Variants in PTPRO observed in about 807,000 individuals in gnomAD.
PTPRO encodes receptor-type tyrosine-protein phosphatase O.
Under a neutral mutation model 145.2 loss-of-function variants are expected in PTPRO, and 62 were observed. The observed-to-expected ratio is 0.43, with a 90% CI of 0.35 to 0.53. PTPRO has a LOEUF of 0.53. Among genes scored for constraint, PTPRO ranks in the 20% least tolerant of loss-of-function variants. The probability of loss-of-function intolerance (pLI) is 0.01; values close to 1 mark genes in which losing one functional copy is unlikely to be tolerated. For missense variants in PTPRO, 1,345 were observed against 1,482.7 expected, an observed-to-expected ratio of 0.91 and a Z score of 1.53; for synonymous variants, 565 against 514.7, an observed-to-expected ratio of 1.10 and a Z score of -1.32.
At chr12:15,572,270 G>A (rs1944070294) in intron 19 of PTPRO, among the ~76,000 whole-genome samples, 1 of 152,108 alleles carries the variant, frequency 6.6e-6, no homozygotes, top group Admixed American at 6.5e-5. Flanking sequence ...AACTGCCCAG[G>A]CAAAGTATAT....
At position 15,483,097 on chromosome 12, in the gene PTPRO, T is replaced by C. The variant is rs574225313; in HGVS notation, c.76-877T>C. Among the ~76,000 whole-genome samples the C allele has an allele frequency of 1.5e-4, 23 of 152,188 alleles. No individual in the cohort carries two copies. In the South Asian group the frequency reaches 4.8e-3, roughly 32 times the overall value. On this transcript the variant is annotated intron_variant, in intron 1 of 26. Transcript: ENST00000281171. ...ACCCTGCTATTATAGAAAAGAAATT[T>C]GAGGCTCAGTGCAGTGAATAACTTA... is the stretch of plus-strand genomic sequence containing the variant.
chr12:15,591,593 T>G (rs1405532625), intron 25 of PTPRO, among the ~76,000 whole-genome samples: 2 of 152,202 alleles, frequency 1.3e-5, no homozygotes, highest in African/African-American at 2.4e-5. Flanking sequence ...AAATTTTGGT[T>G]GTTTTATTTG....
chr12:15,331,517 T>A (rs908242762), intron 1 of PTPRO, among the ~76,000 whole-genome samples: 4 of 152,198 alleles, frequency 2.6e-5, no homozygotes, highest in African/African-American at 9.6e-5. Flanking sequence ...TACATATGTC[T>A]TAGAATTATT....
At chr12:15,554,403 A>AGT (rs762597093) in intron 15 of PTPRO, among the ~76,000 whole-genome samples, 32 of 148,464 alleles carry the variant, frequency 2.2e-4, no homozygotes, top group Non-Finnish European at 3.7e-4. Context: ...ATATAGATAT[A>AGT]GTGTGTGTGT....
intron 23 of PTPRO, among the ~76,000 whole-genome samples, chr12:15,585,640 C>G (rs1033361170): frequency 3.3e-5 from 5 of 152,188 alleles, no homozygotes; most frequent in African/African-American, 1.2e-4. Flanking sequence ...AATACCTGAA[C>G]TTAAATTTTA....
At chr12:15,331,952 C>CTCTT (rs1307905672) in intron 1 of PTPRO, among the ~76,000 whole-genome samples, 17 of 143,972 alleles carry the variant, frequency 1.2e-4, no homozygotes, top group African/African-American at 4.3e-4. Flanking sequence ...CTTTTTGTTT[C>CTCTT]TCTTTCTTTC....
intron 2 of PTPRO, among the ~76,000 whole-genome samples, chr12:15,495,877 C>T (rs1942089936): frequency 1.3e-5 from 2 of 152,110 alleles, no homozygotes; most frequent in Admixed American, 6.6e-5. Context: ...TATAGGTTTT[C>T]TGTCATCCAG....
At chr12:15,513,110 A>T (rs11056536) in intron 7 of PTPRO, among the ~76,000 whole-genome samples, 129 of 7,708 alleles carry the variant, frequency 0.017, 2 homozygotes, top group Admixed American at 0.03. Context: ...AAAGAAAGAA[A>T]GGAAGGAAGG....
At chr12:15,494,831 G>A (rs1242723279) in intron 2 of PTPRO, among the ~76,000 whole-genome samples, 1 of 152,204 alleles carries the variant, frequency 6.6e-6, no homozygotes, top group Non-Finnish European at 1.5e-5. Flanking sequence ...TTCAGTAGAA[G>A]AAACCCTGAT....
chr12:15,486,593 A>G (rs1054831878), intron 2 of PTPRO, among the ~76,000 whole-genome samples: 1 of 152,152 alleles, frequency 6.6e-6, no homozygotes, highest in African/African-American at 2.4e-5. Flanking sequence ...ACACATTAAA[A>G]TGCTTTTTAA....
intron 6 of PTPRO, 81 bp from the exon 7 acceptor site, chr12:15,508,490 A>C (rs1172807550): frequency 7.1e-7 from 1 of 1,410,468 alleles, no homozygotes; most frequent in Non-Finnish European, 9.8e-7. Flanking sequence ...CAAAAAGAAA[A>C]CATGATTTTT....
At chr12:15,360,864 A>ACACATGTGTATG in intron 1 of PTPRO, among the ~76,000 whole-genome samples, 1 of 112,044 alleles carries the variant, frequency 8.9e-6, no homozygotes, top group Non-Finnish European at 2.1e-5. Context: ...GTGTGTATAT[A>ACACATGTGTATG]TGTGTGTATA....
intron 1 of PTPRO, among the ~76,000 whole-genome samples, chr12:15,447,091 C>T (rs546381808): frequency 2.6e-5 from 4 of 152,192 alleles, no homozygotes; most frequent in South Asian, 4.1e-4. Flanking sequence ...TCTAGCCCTC[C>T]GCAAGAGGCT....
At chr12:15,548,878 A>C (rs1943374577) in intron 13 of PTPRO, among the ~76,000 whole-genome samples, 1 of 152,166 alleles carries the variant, frequency 6.6e-6, no homozygotes, top group South Asian at 2.1e-4. Context: ...TATGGGAAGA[A>C]AAATAATGCC....
intron 12 of PTPRO, among the ~76,000 whole-genome samples, chr12:15,542,070 AG>A (rs979578445): frequency 6.6e-6 from 1 of 152,204 alleles, no homozygotes; most frequent in Non-Finnish European, 1.5e-5. Context: ...ATATGAATTT[AG>A]GCGGAGGGGA....
At chr12:15,380,196 T>TAAA (rs1565596842) in intron 1 of PTPRO, among the ~76,000 whole-genome samples, 1 of 152,150 alleles carries the variant, frequency 6.6e-6, no homozygotes, top group African/African-American at 2.4e-5. Context: ...TTTGAGAGAA[T>TAAA]GTATTAAGTA....
intron 1 of PTPRO, among the ~76,000 whole-genome samples, chr12:15,376,914 G>A (rs1938706432): frequency 6.6e-6 from 1 of 152,092 alleles, no homozygotes; most frequent in Non-Finnish European, 1.5e-5. Flanking sequence ...AGTGTAATAG[G>A]TAAATAGAAA....
intron 1 of PTPRO, among the ~76,000 whole-genome samples, chr12:15,356,363 A>G (rs1431624813): frequency 6.6e-6 from 1 of 152,176 alleles, no homozygotes; most frequent in Non-Finnish European, 1.5e-5. Flanking sequence ...CTGTGCAAAG[A>G]AGTCACTCCC....
intron 12 of PTPRO, among the ~76,000 whole-genome samples, chr12:15,540,268 T>TA (rs1413342181): frequency 6.6e-6 from 1 of 152,246 alleles, no homozygotes; most frequent in African/African-American, 2.4e-5. Flanking sequence ...CTGCTTAACA[T>TA]AGAGTTGCTT....
Sources: gnomAD v4.1 joint callset for allele counts (sites outside exome capture counted in the v4.1 genomes callset) on GRCh38, gnomAD v4.1.1 for gene constraint, MANE v1.5 for transcripts, NCBI Gene and HGNC (gene_info 2026-07-23, HGNC 2026-07-21) for gene names.